Variants in GDPD5 observed in about 807,000 individuals in gnomAD.
The protein encoded by GDPD5 is glycerophosphodiester phosphodiesterase domain containing 5.
Under a neutral mutation model 75.1 loss-of-function variants are expected in GDPD5, and 48 were observed. That is an observed-to-expected ratio of 0.64 (90% CI 0.51 to 0.81). GDPD5 has a LOEUF of 0.81. Among genes scored for constraint, GDPD5 ranks in the 40% least tolerant of loss-of-function variants. GDPD5 has a pLI of 0.00. For synonymous variants in GDPD5, 336 were observed against 339.0 expected (o/e 0.99, Z 0.10); for missense variants, 706 against 822.6 (o/e 0.86, Z 1.73).
intron 6 of GDPD5, among the ~76,000 whole-genome samples, chr11:75,455,896 G>T (rs77080785): frequency 0.053 from 8,135 of 152,318 alleles, 267 homozygotes; most frequent in South Asian, 0.096. Context: ...CAGCCCTGAG[G>T]GGGGGCACTG....
At chr11:75,522,515 C>G (rs534616419) in intron 1 of GDPD5, among the ~76,000 whole-genome samples, 1 of 152,220 alleles carries the variant, frequency 6.6e-6, no homozygotes, top group South Asian at 2.1e-4. Context: ...TCTCTGGAAT[C>G]AGAGGCCCAC....
intron 14 of GDPD5, among the ~76,000 whole-genome samples, chr11:75,440,221 G>A (rs886681780): frequency 6.6e-6 from 1 of 152,140 alleles, no homozygotes; most frequent in Non-Finnish European, 1.5e-5. Flanking sequence ...GGGCAGAGGG[G>A]TTGTGTGCTA....
At chr11:75,465,683 T>C (rs1212842259) in intron 3 of GDPD5, among the ~76,000 whole-genome samples, 2 of 152,236 alleles carry the variant, frequency 1.3e-5, no homozygotes, top group South Asian at 2.1e-4. Context: ...TAGTCTTCTA[T>C]AGAGCCCACG....
intron 3 of GDPD5, among the ~76,000 whole-genome samples, chr11:75,475,627 G>T (rs1949762225): frequency 6.6e-6 from 1 of 152,196 alleles, no homozygotes; most frequent in Admixed American, 6.5e-5. Flanking sequence ...GAGACAGGGG[G>T]CGGAGCGAAG....
chr11:75,443,527 G>A (rs1459413759), intron 10 of GDPD5, among the ~76,000 whole-genome samples: 1 of 152,182 alleles, frequency 6.6e-6, no homozygotes, highest in African/African-American at 2.4e-5. Context: ...GCCAAGGAGG[G>A]AGGGCTGGGA....
intron 1 of GDPD5, among the ~76,000 whole-genome samples, chr11:75,517,732 G>A (rs1484577025): frequency 6.6e-6 from 1 of 152,054 alleles, no homozygotes; most frequent in East Asian, 1.9e-4. Flanking sequence ...AGAGTTGGAT[G>A]ACTTAAGTGG....
intron 1 of GDPD5, among the ~76,000 whole-genome samples, chr11:75,516,621 G>C (rs1950644422): frequency 1.3e-5 from 2 of 152,216 alleles, no homozygotes; most frequent in African/African-American, 4.8e-5. Context: ...GGACCAGCCA[G>C]TGAAGGAAGG....
At chr11:75,512,273 T>C (rs1236890453) in intron 1 of GDPD5, among the ~76,000 whole-genome samples, 1 of 38,542 alleles carries the variant, frequency 2.6e-5, no homozygotes, top group Non-Finnish European at 6.3e-5. Context: ...AAGCATGAAA[T>C]TGGGAAGGAC....
intron 1 of GDPD5, among the ~76,000 whole-genome samples, chr11:75,501,595 A>G (rs1041175535): frequency 6.6e-6 from 1 of 152,216 alleles, no homozygotes; most frequent in African/African-American, 2.4e-5. Context: ...TCGGGGCTCC[A>G]GAGCAGGGGC....
At chr11:75,464,428 GC>G (rs1949475892) in intron 3 of GDPD5, among the ~76,000 whole-genome samples, 1 of 152,178 alleles carries the variant, frequency 6.6e-6, no homozygotes, top group East Asian at 1.9e-4. Context: ...CGTAGGAAAG[GC>G]CTTCACACCC....
chr11:75,471,590 G>A (rs1949665090), intron 3 of GDPD5, among the ~76,000 whole-genome samples: 1 of 152,204 alleles, frequency 6.6e-6, no homozygotes, highest in Non-Finnish European at 1.5e-5. Flanking sequence ...CCCTTAGGAA[G>A]AACCATCCCA....
chr11:75,475,229 C>T lies in GDPD5; in HGVS notation c.117+2390G>A, dbSNP rs544650791. Among the ~76,000 whole-genome samples, 5 of 152,324 alleles carry T rather than the reference C, an allele frequency of 3.3e-5. No individual in the cohort carries two copies. The South Asian group carries it at 1.0e-3, about 32-fold the overall frequency. The stretch of plus-strand genomic sequence containing the variant: ...TTTCACAGATGAGACTCAGGGAGAT[C>T]GGGTTTCACAGGAGTTGAACCCAGG... On this transcript the variant is annotated intron_variant, in intron 3 of 16. Transcript: ENST00000336898.
intron 1 of GDPD5, among the ~76,000 whole-genome samples, chr11:75,523,798 T>C (rs1168518952): frequency 2.0e-5 from 3 of 152,232 alleles, no homozygotes; most frequent in East Asian, 3.8e-4. Flanking sequence ...TCAGTCACCT[T>C]GTCTTTTGGG....
At chr11:75,452,545 C>T (rs1313257584) in intron 6 of GDPD5, among the ~76,000 whole-genome samples, 1 of 152,166 alleles carries the variant, frequency 6.6e-6, no homozygotes, top group Non-Finnish European at 1.5e-5. Flanking sequence ...CACATGTGGT[C>T]AGCACCCAAT....
chr11:75,441,156 A>C lies in GDPD5; in HGVS notation c.1473+7T>G, dbSNP rs1565180047. The C allele has an allele frequency of 6.2e-7, 1 of 1,613,156 alleles. No individual in the cohort carries two copies. Among genetic ancestry groups the C allele is most frequent in the Non-Finnish European group, 8.5e-7 (1 of 1,179,580 alleles). Reference sequence around the variant, plus strand: ...GCCCCCCAGGGGCCCTCTGCCCCCCAACTCACCATGATCCAGAGGGGGGAA... The same window carrying C: ...GCCCCCCAGGGGCCCTCTGCCCCCCCACTCACCATGATCCAGAGGGGGGAA... On this transcript the variant is annotated splice_region_variant and intron_variant, in intron 14 of 16. Transcript: ENST00000336898.
At chr11:75,519,946 C>T (rs148327963) in intron 1 of GDPD5, among the ~76,000 whole-genome samples, 6 of 152,222 alleles carry the variant, frequency 3.9e-5, no homozygotes, top group East Asian at 1.9e-4. Flanking sequence ...GCTAGCTGGA[C>T]GCCAGACGGC....
chr11:75,511,660 C>G (rs1033054579), intron 1 of GDPD5, among the ~76,000 whole-genome samples: 3 of 152,156 alleles, frequency 2.0e-5, no homozygotes, highest in African/African-American at 7.2e-5. Context: ...TGCCACCCAG[C>G]CAGGGCCATG....
chr11:75,444,419 G>T lies in GDPD5; in HGVS notation c.791C>A (p.Thr264Asn), dbSNP rs1948931470. 6.2e-7 allele frequency: 1 copy of T among 1,612,096 alleles called. No homozygotes were observed. The highest frequency in any genetic ancestry group is 1.7e-5 in the Admixed American group (1 of 60,000). The change falls in exon 10 of 17, where the codon ACC becomes AAC. Residue 264 changes from threonine (T) to asparagine (N), a missense_variant. By Grantham distance (65) the Thr-to-Asn change is moderately conservative. Coordinates refer to ENST00000336898, the MANE Select transcript of GDPD5 (RefSeq NM_030792.8). ...QKLYGLQADI[T>N]ISLDGVPFLM... Reference sequence around the variant, plus strand: ...TCCCCTCCGCTACACCTACCTGATGGTAATGTCAGCCTGGAGCCCGTACAG... The same window carrying T: ...TCCCCTCCGCTACACCTACCTGATGTTAATGTCAGCCTGGAGCCCGTACAG...
chr11:75,497,240 C>T (rs1281254075), intron 1 of GDPD5, among the ~76,000 whole-genome samples: 1 of 152,128 alleles, frequency 6.6e-6, no homozygotes, highest in African/African-American at 2.4e-5. Context: ...AGACGCAGCC[C>T]CTGCTGGAGG....
Sources: gnomAD v4.1 joint callset for allele counts (sites outside exome capture counted in the v4.1 genomes callset) on GRCh38, gnomAD v4.1.1 for gene constraint, MANE v1.5 for transcripts, NCBI Gene and HGNC (gene_info 2026-07-23, HGNC 2026-07-21) for gene names.